Variants in ITPRID1 observed in about 807,000 individuals in gnomAD.
The protein encoded by ITPRID1 is ITPR interacting domain containing 1.
In ITPRID1, 96 loss-of-function variants were observed where a neutral mutation model predicts 95.4. The observed-to-expected ratio is 1.01, with a 90% CI of 0.85 to 1.19. The LOEUF is 1.19. Ranked by LOEUF, ITPRID1 falls within the 50% of genes most tolerant of loss-of-function variation. The pLI, the probability that ITPRID1 is intolerant of heterozygous loss-of-function variation, is 0.00. For synonymous variants in ITPRID1, 510 were observed against 453.6 expected (o/e 1.12, Z -1.58); for missense variants, 1,339 against 1,252.9 (o/e 1.07, Z -1.04).
chr7:31,598,028 C>T (rs149573411), intron 10 of ITPRID1, among the ~76,000 whole-genome samples: 3,234 of 152,208 alleles, frequency 0.021, 111 homozygotes, highest in African/African-American at 0.072. Flanking sequence ...ATAAACATAA[C>T]TGAGACAGTA....
chr7:31,592,734 A>C (rs1173464190), intron 10 of ITPRID1, among the ~76,000 whole-genome samples: 1 of 152,096 alleles, frequency 6.6e-6, no homozygotes, highest in Non-Finnish European at 1.5e-5. Flanking sequence ...TTCACCGCTC[A>C]CCTCCTAGTG....
chr7:31,648,493 C>T (rs527991944), intron 12 of ITPRID1, among the ~76,000 whole-genome samples: 2 of 152,162 alleles, frequency 1.3e-5, no homozygotes, highest in Non-Finnish European at 2.9e-5. Flanking sequence ...CAGAAGATGG[C>T]AGCATTTCAG....
chr7:31,625,772 T>TA (rs957657871), intron 10 of ITPRID1, among the ~76,000 whole-genome samples: 465 of 147,878 alleles, frequency 3.1e-3, no homozygotes, highest in African/African-American at 8.9e-3. Context: ...AAAGTATAAT[T>TA]AAAAAAAAAA....
chr7:31,548,373 G>C (rs1784168401), intron 1 of ITPRID1, among the ~76,000 whole-genome samples: 1 of 152,062 alleles, frequency 6.6e-6, no homozygotes, highest in African/African-American at 2.4e-5. Flanking sequence ...AAAGGACAGA[G>C]GAAACAAGGT....
intron 5 of ITPRID1, among the ~76,000 whole-genome samples, chr7:31,557,807 G>C (rs1453243265): frequency 6.6e-6 from 1 of 152,126 alleles, no homozygotes. Context: ...GAGATTTTCA[G>C]CTTAGATCTG....
At chr7:31,611,710 C>G (rs1035091380) in intron 10 of ITPRID1, among the ~76,000 whole-genome samples, 1 of 151,920 alleles carries the variant, frequency 6.6e-6, no homozygotes, top group Non-Finnish European at 1.5e-5. Context: ...TGCATGGTTT[C>G]TGCTAAGAAG....
intron 9 of ITPRID1, among the ~76,000 whole-genome samples, chr7:31,582,389 T>G (rs1785435289): frequency 6.6e-6 from 1 of 152,000 alleles, no homozygotes; most frequent in Non-Finnish European, 1.5e-5. Flanking sequence ...CTCCAAAATG[T>G]TTTTGGAGTA....
intron 10 of ITPRID1, among the ~76,000 whole-genome samples, chr7:31,609,801 C>A (rs1167559260): frequency 6.6e-6 from 1 of 151,012 alleles, no homozygotes; most frequent in Non-Finnish European, 1.5e-5. Context: ...CTGCTCCAAT[C>A]TTTATTATTT....
intron 10 of ITPRID1, among the ~76,000 whole-genome samples, chr7:31,607,396 T>C (rs753527776): frequency 5.3e-5 from 8 of 152,172 alleles, no homozygotes; most frequent in Admixed American, 6.5e-5. Flanking sequence ...TGAGACCTCG[T>C]GTTTAAACAT....
intron 1 of ITPRID1, among the ~76,000 whole-genome samples, chr7:31,521,407 A>T (rs1783245096): frequency 1.3e-5 from 2 of 152,022 alleles, no homozygotes; most frequent in African/African-American, 4.8e-5. Context: ...TTTTAGTTTG[A>T]TTCTATCATG....
chr7:31,642,283 T>G (rs1790094442), intron 11 of ITPRID1, 25 bp downstream of exon 11: 4 of 1,468,072 alleles, frequency 2.7e-6, no homozygotes, highest in African/African-American at 1.4e-5. Flanking sequence ...AACAGGGCCC[T>G]GTTGCTCATC....
At chr7:31,624,717 G>C (rs1157030329) in intron 10 of ITPRID1, among the ~76,000 whole-genome samples, 3 of 150,856 alleles carry the variant, frequency 2.0e-5, no homozygotes, top group African/African-American at 4.9e-5. Flanking sequence ...CATGGGCAAG[G>C]ACTTCATGTC....
At chr7:31,541,367 C>T (rs1416764586) in intron 1 of ITPRID1, among the ~76,000 whole-genome samples, 3 of 152,084 alleles carry the variant, frequency 2.0e-5, no homozygotes, top group African/African-American at 7.2e-5. Flanking sequence ...TTATCAGAAA[C>T]CTGCATTCAA....
chr7:31,546,304 G>C (rs1281890339), intron 1 of ITPRID1, among the ~76,000 whole-genome samples: 1 of 152,050 alleles, frequency 6.6e-6, no homozygotes, highest in Non-Finnish European at 1.5e-5. Context: ...GAAGGTAAAA[G>C]AAGGTATTTA....
downstream of ITPRID1, among the ~76,000 whole-genome samples, chr7:31,657,227 C>T (rs146985597): frequency 3.0e-5 from 1 of 33,664 alleles, no homozygotes; most frequent in African/African-American, 1.1e-4. Context: ...TAAGCTCTGG[C>T]AACCATTAAG....
chr7:31,652,376 C>A, intron 14 of ITPRID1, 142 bp from the exon 15 acceptor site: 1 of 1,288,176 alleles, frequency 7.8e-7, no homozygotes. Flanking sequence ...TAAGCTAAGT[C>A]ACTATCAGAA....
chr7:31,519,578 ATCTCTCTCTCTCTCTC>A (rs72374972), intron 1 of ITPRID1, among the ~76,000 whole-genome samples: 19 of 37,474 alleles, frequency 5.1e-4, no homozygotes, highest in Non-Finnish European at 6.9e-4. Context: ...TATTTCTGGT[ATCTCTCTCTCTCTCTC>A]TCTCTCTCTC....
chr7:31,575,757 G>A (rs1467339135), intron 8 of ITPRID1, among the ~76,000 whole-genome samples: 1 of 152,164 alleles, frequency 6.6e-6, no homozygotes, highest in African/African-American at 2.4e-5. Context: ...TAAAAGGAAA[G>A]TCATGTGAGA....
chr7:31,566,502 C>T (rs1487116344), intron 5 of ITPRID1, among the ~76,000 whole-genome samples: 1 of 152,144 alleles, frequency 6.6e-6, no homozygotes, highest in Admixed American at 6.5e-5. Flanking sequence ...AGAATCATCT[C>T]GAAGAGCTAA....
Sources: gnomAD v4.1 joint callset for allele counts (sites outside exome capture counted in the v4.1 genomes callset) on GRCh38, gnomAD v4.1.1 for gene constraint, MANE v1.5 for transcripts, NCBI Gene and HGNC (gene_info 2026-07-23, HGNC 2026-07-21) for gene names.